The following NPM1 variants were observed in gnomAD, a reference collection of about 807,000 sequenced individuals.
The protein encoded by NPM1 is nucleophosmin 1.
Under a neutral mutation model 44.1 loss-of-function variants are expected in NPM1, and 1 was observed. That is an observed-to-expected ratio of 0.02 (90% CI 0.01 to 0.11). NPM1 has a LOEUF of 0.11. Among genes scored for constraint, NPM1 ranks in the 10% least tolerant of loss-of-function variants. The pLI is 1.00. For missense variants in NPM1, 197 were observed against 347.8 expected, an observed-to-expected ratio of 0.57 and a Z score of 3.45; for synonymous variants, 126 against 111.8, an observed-to-expected ratio of 1.13 and a Z score of -0.80.
intron 10 of NPM1, among the ~76,000 whole-genome samples, chr5:171,409,907 A>T (rs1416466348): frequency 6.6e-6 from 1 of 151,394 alleles, no homozygotes; most frequent in Admixed American, 6.6e-5. Context: ...CAGTCCTCCC[A>T]CCTCAGCCTC....
chr5:171,408,301 T>TA, intron 10 of NPM1, among the ~76,000 whole-genome samples: 2 of 152,214 alleles, frequency 1.3e-5, no homozygotes, highest in Non-Finnish European at 2.9e-5. Context: ...GTGAAAGTCT[T>TA]AGTCAACATA....
At position 171,391,288 on chromosome 5, in the gene NPM1, T is replaced by G. The variant is rs939850854; in HGVS notation, c.139-17T>G. 11 of 1,589,662 alleles carry G rather than the reference T, an allele frequency of 6.9e-6. No homozygotes were observed. Among genetic ancestry groups the G allele is most frequent in the Non-Finnish European group, 9.4e-6 (11 of 1,166,762 alleles). ...TGGAACTCAAAAGTTGAAGTAGTATTTTTTTTTTGTTCACAGGTCAGTTTA... is the reference window on the plus strand; with the variant it reads ...TGGAACTCAAAAGTTGAAGTAGTATGTTTTTTTTGTTCACAGGTCAGTTTA... On this transcript the variant is annotated splice_polypyrimidine_tract_variant and intron_variant, in intron 2 of 10. Transcript: ENST00000296930.
intron 3 of NPM1, 24 bp downstream of exon 3, chr5:171,391,448 A>G (rs1423767842): frequency 1.9e-6 from 3 of 1,604,158 alleles, no homozygotes; most frequent in Admixed American, 3.3e-5. Context: ...CATACTTTGG[A>G]TGTTGTGTCA....
chr5:171,401,533 T>C (rs1771203030), intron 8 of NPM1, among the ~76,000 whole-genome samples: 1 of 151,906 alleles, frequency 6.6e-6, no homozygotes, highest in Non-Finnish European at 1.5e-5. Flanking sequence ...ACTTCCCGGG[T>C]TCAAGCGATT....
At position 171,387,905 on chromosome 5, in the gene NPM1, T is replaced by A; in HGVS notation, c.-44T>A. 6.3e-7 allele frequency: 1 copy of A among 1,589,650 alleles called. No individual in the cohort carries two copies. The highest frequency in any genetic ancestry group is 2.2e-5 in the East Asian group (1 of 44,758). On this transcript the variant is annotated 5_prime_UTR_variant, in exon 1 of 11. Coordinates refer to ENST00000296930, the MANE Select transcript of NPM1 (RefSeq NM_002520.7). ...TGTTCTCTGGAGCAGCGTTCTTTTA[T>A]CTCCGTCCGCCTTCTCTCCTACCTA...
At chr5:171,407,356 G>A (rs989606384) in intron 9 of NPM1, 5 of 269,016 alleles carry the variant, frequency 1.9e-5, no homozygotes, top group South Asian at 5.7e-5. Flanking sequence ...GTTATGGGTT[G>A]TATTTGGTTC....
intron 1 of NPM1, among the ~76,000 whole-genome samples, chr5:171,388,261 C>T (rs1205298975): frequency 6.6e-6 from 1 of 152,132 alleles, no homozygotes; most frequent in Admixed American, 6.5e-5. Context: ...GGCCCGGGGC[C>T]TGAGGTAAAG....
chr5:171,392,174 A>T (rs1302377069), intron 4 of NPM1, among the ~76,000 whole-genome samples: 1 of 152,170 alleles, frequency 6.6e-6, no homozygotes, highest in Non-Finnish European at 1.5e-5. Flanking sequence ...TCCTGGCCTT[A>T]ACGTGATCTG....
At chr5:171,408,845 G>C (rs952579672) in intron 10 of NPM1, among the ~76,000 whole-genome samples, 4 of 152,174 alleles carry the variant, frequency 2.6e-5, no homozygotes, top group African/African-American at 9.7e-5. Context: ...CAGCATAAGA[G>C]ATGCATTCTT....
In NPM1 at chr5:171,390,024, T is replaced by TA. The variant is rs776105011; in HGVS notation, c.59-26dup. The TA allele has an allele frequency of 3.6e-6, 5 of 1,385,396 alleles. No homozygotes were observed. The East Asian group carries it at 7.0e-5, about 19-fold the overall frequency. The allele number at this position is 1,385,396 out of a possible 1,614,324, so 85.8% of individuals were successfully genotyped here. The stretch of plus-strand genomic sequence containing the variant: ...GTTTCAGTGTTATTTTTCTCCTTGT[T>TA]AGAGTTGCTTTTTTCTTCATTTACA... On this transcript the variant is annotated intron_variant, in intron 1 of 10. Transcript: ENST00000296930.
chr5:171,395,043 G>A (rs569319495), intron 6 of NPM1, among the ~76,000 whole-genome samples: 1 of 152,098 alleles, frequency 6.6e-6, no homozygotes, highest in African/African-American at 2.4e-5. Flanking sequence ...GCTGGGTATC[G>A]TGGTGCCTGC....
rs953249023 is a variant in NPM1 at position 171,388,015 on chromosome 5, TG to T, written c.58+15del. On this transcript the variant is annotated intron_variant, in intron 1 of 10. Transcript: ENST00000296930. ...CCAGAACTATCTTTTCGGTAACTGC[TG>T]GGGGGAGCTGGAGCGAGGCCGAGCG... The T allele has an allele frequency of 3.9e-6, 5 of 1,283,294 alleles. No individual in the cohort carries two copies. The highest frequency in any genetic ancestry group is 4.2e-5 in the East Asian group (1 of 23,628). The allele number at this position is 1,283,294 out of a possible 1,614,324, so 79.5% of individuals were successfully genotyped here.
At chr5:171,401,498 G>A (rs1362459337) in intron 8 of NPM1, among the ~76,000 whole-genome samples, 1 of 152,144 alleles carries the variant, frequency 6.6e-6, no homozygotes, top group African/African-American at 2.4e-5. Flanking sequence ...TTAGAGTTGC[G>A]TGATCTCGGC....
intron 8 of NPM1, among the ~76,000 whole-genome samples, chr5:171,401,413 G>T (rs572151765): frequency 6.6e-6 from 1 of 152,068 alleles, no homozygotes; most frequent in South Asian, 2.1e-4. Context: ...CATACTAAAT[G>T]TAAGGTGGTG....
chr5:171,408,730 A>G (rs564955154), intron 10 of NPM1, among the ~76,000 whole-genome samples: 1 of 152,330 alleles, frequency 6.6e-6, no homozygotes, highest in South Asian at 2.1e-4. Context: ...CTAAACATTG[A>G]TTAATCATAA....
At chr5:171,408,221 A>G (rs1046725205) in intron 10 of NPM1, among the ~76,000 whole-genome samples, 2 of 151,948 alleles carry the variant, frequency 1.3e-5, no homozygotes, top group African/African-American at 2.4e-5. Context: ...TCTGGAAGCA[A>G]GACACTAAAT....
chr5:171,407,605 C>A, intron 9 of NPM1, 95 bp from the exon 10 acceptor site: 1 of 743,856 alleles, frequency 1.3e-6, no homozygotes, highest in Non-Finnish European at 2.3e-6. Context: ...TAAACTGATC[C>A]ATGTAGTAGC....
intron 10 of NPM1, 70 bp from the exon 11 acceptor site, chr5:171,410,457 G>C (rs948659348): frequency 1.3e-5 from 12 of 940,534 alleles, no homozygotes; most frequent in African/African-American, 3.4e-5. Context: ...TATGCAAAGA[G>C]ACATTTAATT....
At chr5:171,396,233 A>G (rs1770875687) in intron 6 of NPM1, among the ~76,000 whole-genome samples, 1 of 152,162 alleles carries the variant, frequency 6.6e-6, no homozygotes, top group South Asian at 2.1e-4. Flanking sequence ...TGCCCACCCC[A>G]GCCTCCCAGA....
Sources: allele counts gnomAD v4.1 joint callset (sites outside exome capture counted in the v4.1 genomes callset), GRCh38; gene constraint gnomAD v4.1.1; transcripts MANE v1.5; gene names NCBI Gene and HGNC (gene_info 2026-07-23, HGNC 2026-07-21).